Variants in ZZEF1 observed in about 807,000 individuals in gnomAD.
ZZEF1 encodes zinc finger ZZ-type and EF-hand domain containing 1, also known as zinc finger ZZ-type and EF-hand domain-containing protein 1.
In ZZEF1, 157 loss-of-function variants were observed where a neutral mutation model predicts 342.8. The ratio of observed to expected loss-of-function variants is 0.46; its 90% confidence interval spans 0.40 to 0.52. The LOEUF is 0.52. Among genes scored for constraint, ZZEF1 ranks in the 20% least tolerant of loss-of-function variants. The pLI, the probability that ZZEF1 is intolerant of heterozygous loss-of-function variation, is 0.00. For synonymous variants in ZZEF1, 1,505 were observed against 1,429.1 expected (o/e 1.05, Z -1.20); for missense variants, 3,480 against 3,725.6 (o/e 0.93, Z 1.72).
At chr17:4,094,483 C>T (rs982390557) in intron 11 of ZZEF1, among the ~76,000 whole-genome samples, 18 of 152,106 alleles carry the variant, frequency 1.2e-4, no homozygotes, top group African/African-American at 4.3e-4. Context: ...TTAAATGCCT[C>T]TCATATCTGT....
chr17:4,078,273 TCTC>T (rs1437437954), intron 18 of ZZEF1, among the ~76,000 whole-genome samples: 1 of 152,160 alleles, frequency 6.6e-6, no homozygotes, highest in Non-Finnish European at 1.5e-5. Context: ...CCACATGACA[TCTC>T]CTTCTACCAC....
intron 1 of ZZEF1, among the ~76,000 whole-genome samples, chr17:4,134,050 T>C (rs1328626439): frequency 6.6e-6 from 1 of 152,136 alleles, no homozygotes; most frequent in Non-Finnish European, 1.5e-5. Flanking sequence ...CAATAGTTAA[T>C]GAATATGATA....
chr17:4,035,073 A>T (rs186164383), intron 39 of ZZEF1, among the ~76,000 whole-genome samples: 1 of 152,328 alleles, frequency 6.6e-6, no homozygotes, highest in East Asian at 1.9e-4. Context: ...TAAATTTAAA[A>T]TTTTAAATAG....
Position 4,016,693 on chromosome 17 carries a change from A to AC in ZZEF1, c.8002-228_8002-227insG, listed in dbSNP as rs751820005. The AC allele has an allele frequency of 1.0e-5, 5 of 490,670 alleles. No homozygotes were observed. The highest frequency in any genetic ancestry group is 1.8e-5 in the Non-Finnish European group (5 of 279,308). The allele number at this position is 490,670 out of a possible 1,614,324, so 30.4% of individuals were successfully genotyped here. On this transcript the variant is annotated intron_variant, in intron 48 of 54. Transcript: ENST00000381638. The surrounding 1 kb of genome is among the most constrained non-coding windows in gnomAD (Gnocchi z 4.4). ...GTCCTTTCAGAATGATGCTACTTAG[A>AC]GGTGGTCTGAAAGAACTAACTGAAC...
intron 28 of ZZEF1, 37 bp from the exon 29 acceptor site, chr17:4,064,866 A>AAAAGTTAAAATT: frequency 6.7e-7 from 1 of 1,495,916 alleles, no homozygotes; most frequent in Admixed American, 2.1e-5. Context: ...AAAAAAAAAA[A>AAAAGTTAAAATT]AGTTAAAATT....
chr17:4,072,828 G>C, intron 24 of ZZEF1, 72 bp from the exon 25 acceptor site: 21 of 1,441,556 alleles, frequency 1.5e-5, no homozygotes, highest in Non-Finnish European at 2.0e-5. Context: ...AAATGAGAAA[G>C]AAAAGGTTAA....
chr17:4,131,126 AGCT>A (rs2058656134), intron 1 of ZZEF1, among the ~76,000 whole-genome samples: 1 of 151,920 alleles, frequency 6.6e-6, no homozygotes, highest in Admixed American at 6.6e-5. Context: ...TTTTTCAGAA[AGCT>A]ACTAGAGGAT....
chr17:4,062,402 T>G (rs1372693714), intron 30 of ZZEF1, among the ~76,000 whole-genome samples: 2 of 151,284 alleles, frequency 1.3e-5, no homozygotes, highest in Non-Finnish European at 2.9e-5. Flanking sequence ...ATTTATTGAG[T>G]TAATCCTAAG....
At chr17:4,102,286 C>G in intron 9 of ZZEF1, 31 bp downstream of exon 9, 1 of 1,593,876 alleles carries the variant, frequency 6.3e-7, no homozygotes, top group Non-Finnish European at 8.6e-7. Flanking sequence ...GTCTACCGAG[C>G]ACACTAGAAA....
Position 4,013,547 on chromosome 17 carries a change from A to G in ZZEF1, c.8481T>C (p.Ile2827=), listed in dbSNP as rs1292834601. The change falls in exon 52 of 55, where the codon ATT becomes ATC. Residue 2827 remains isoleucine (I), a synonymous_variant. Transcript: ENST00000381638. ...AGGCCACGCCCACCAGCCATTCCCA[A>G]ATTTTTGCCAATGGGAGATGAGGCA... is the stretch of plus-strand genomic sequence containing the variant. ...RVVPHLPLAK[I]WEWLVGVACR... 4 of 1,614,020 alleles carry G rather than the reference A, an allele frequency of 2.5e-6. No homozygotes were observed. Among genetic ancestry groups the G allele is most frequent in the South Asian group, 1.1e-5 (1 of 91,074 alleles).
chr17:4,014,123 C>T lies in ZZEF1; in HGVS notation c.8380G>A (p.Val2794Met), dbSNP rs1220606338. The change falls in exon 51 of 55, where the codon GTG becomes ATG. Residue 2794 changes from valine to methionine, a missense_variant. Transcript: ENST00000381638. This position sits in a 1 kb window ranked among gnomAD's most constrained non-coding sequence, Gnocchi z 4.4. ...AACCGCCCCAGGTGTCCGGCCGTCA[C>T]GGTGAATCTGTAGCCCCACTCGGTG... ...SNTEWGYRFT[V>M]TAGHLGRFQT... 6 of 1,614,172 alleles carry T rather than the reference C, an allele frequency of 3.7e-6. No homozygotes were observed. Among genetic ancestry groups the T allele is most frequent in the East Asian group, 2.2e-5 (1 of 44,886 alleles).
At chr17:4,099,538 C>T (rs2058091818) in intron 9 of ZZEF1, among the ~76,000 whole-genome samples, 1 of 147,548 alleles carries the variant, frequency 6.8e-6, no homozygotes, top group East Asian at 2.0e-4. Flanking sequence ...ACAGGTTTGA[C>T]TGTGATTTTT....
At position 4,064,446 on chromosome 17, in the gene ZZEF1, T is replaced by G; in HGVS notation, c.4633A>C (p.Arg1545=). 6.2e-7 allele frequency: 1 copy of G among 1,614,200 alleles called. No individual in the cohort carries two copies. Among genetic ancestry groups the G allele is most frequent in the Non-Finnish European group, 8.5e-7 (1 of 1,180,020 alleles). Residue 1545 remains arginine (R), a synonymous_variant, in exon 29 of 55, where the codon AGA becomes CGA. Coordinates refer to ENST00000381638, the MANE Select transcript of ZZEF1 (RefSeq NM_015113.4). The part of the protein sequence containing the change: ...LLSFRSMEEA[R]LVPTVKEKYP... ...TTCTCTTTCACTGTGGGCACCAGTC[T>G]GGCCTCCTCCATGGATCGAAAGGAG... is the stretch of plus-strand genomic sequence containing the variant.
chr17:4,047,265 A>C (rs1157653846), intron 37 of ZZEF1, among the ~76,000 whole-genome samples: 1 of 152,236 alleles, frequency 6.6e-6, no homozygotes, highest in Non-Finnish European at 1.5e-5. Context: ...GGAACTGTTC[A>C]AAAAATAATG....
intron 32 of ZZEF1, chr17:4,056,640 A>G (rs1161999654): frequency 5.6e-6 from 1 of 178,426 alleles, no homozygotes; most frequent in Non-Finnish European, 1.2e-5. Context: ...TGAACCTACT[A>G]TGTGCCAGGC....
intron 9 of ZZEF1, among the ~76,000 whole-genome samples, chr17:4,100,996 A>G (rs2058118259): frequency 6.6e-6 from 1 of 152,028 alleles, no homozygotes; most frequent in African/African-American, 2.4e-5. Context: ...AGGAGCTAAC[A>G]CCACCCCCTC....
chr17:4,013,970 A>C (rs551247444), intron 51 of ZZEF1, 120 bp downstream of exon 51: 2 of 951,846 alleles, frequency 2.1e-6, no homozygotes, highest in Non-Finnish European at 3.2e-6. Context: ...ACAAATTTGG[A>C]AAGTGTGAGA....
rs914974597 is a variant in ZZEF1, at chr17:4,090,753, G to A, written c.1991C>T (p.Ala664Val). 3.7e-6 allele frequency: 6 copies of A among 1,614,014 alleles called. No individual in the cohort carries two copies. The highest frequency in any genetic ancestry group is 1.3e-5 in the African/African-American group (1 of 74,928). Reference sequence around the variant, plus strand: ...TCTGCACTGTTGCAGCTTCACATCTGCTTCATCCCATTCTTCTTCCAGTTC... The same window carrying A: ...TCTGCACTGTTGCAGCTTCACATCTACTTCATCCCATTCTTCTTCCAGTTC... ...WFELEEEWDE[A>V]DVKLQQCRVA... The change falls in exon 12 of 55, where the codon GCA becomes GTA. Residue 664 changes from alanine to valine, a missense_variant. Physicochemically the swap from Ala to Val is moderately conservative, Grantham distance 64. Transcript: ENST00000381638.
chr17:4,050,783 T>C lies in ZZEF1; in HGVS notation c.5861A>G (p.Lys1954Arg). ...GTTTCTGTGCATTGGGAAGTCACCT[T>C]TTCCCTGATGAGCCTTCATCAGACA... ...GDCLMKAHQG[K>R]GLKALALLGV... Residue 1954 changes from lysine (K) to arginine (R), a missense_variant and splice_region_variant, in exon 36 of 55, where the codon AAA becomes AGA. By Grantham distance (26) the Lys-to-Arg change is conservative. Around this residue, in one of 5 missense-constraint regions of ZZEF1, gnomAD observed 1,269 missense variants for 1,342.4 expected, o/e 0.95. Coordinates refer to ENST00000381638, the MANE Select transcript of ZZEF1 (RefSeq NM_015113.4). 1 of 1,613,746 alleles carries C rather than the reference T, an allele frequency of 6.2e-7. No individual in the cohort carries two copies.
Sources: gnomAD v4.1 joint callset for allele counts (sites outside exome capture counted in the v4.1 genomes callset) on GRCh38, gnomAD v4.1.1 for gene constraint, gnomAD v4.1.1 regional missense constraint, Gnocchi (gnomAD v3.1) non-coding constraint, MANE v1.5 for transcripts, NCBI Gene and HGNC (gene_info 2026-07-23, HGNC 2026-07-21) for gene names.